The following AGPAT5 variants were observed in gnomAD, a reference collection of about 807,000 sequenced individuals.
AGPAT5 encodes 1-acyl-sn-glycerol-3-phosphate acyltransferase epsilon.
AGPAT5 carries 46 observed loss-of-function variants against 45.6 expected under a neutral mutation model. The ratio of observed to expected loss-of-function variants is 1.01; its 90% CI spans 0.80 to 1.29. The LOEUF (loss-of-function observed/expected upper bound fraction) is 1.29. Among genes scored for constraint, AGPAT5 ranks in the 50% most tolerant of loss-of-function variants. AGPAT5 has a pLI of 0.00. For synonymous variants in AGPAT5, 272 were observed against 167.0 expected (o/e 1.63, Z -4.85); for missense variants, 673 against 450.7 (o/e 1.49, Z -4.47).
At position 6,757,783 on chromosome 8, in the gene AGPAT5, C is replaced by G. The variant is rs1280205798; in HGVS notation, c.*395C>G. 1 of 160,568 alleles carries G rather than the reference C, an allele frequency of 6.2e-6. No homozygotes were observed. The highest frequency in any genetic ancestry group is 1.4e-5 in the Non-Finnish European group (1 of 73,310). 9.9% of individuals were successfully genotyped at this position (160,568 alleles called of 1,614,324 possible). On this transcript the variant is annotated 3_prime_UTR_variant, in exon 8 of 8. Coordinates refer to ENST00000285518, the MANE Select transcript of AGPAT5 (RefSeq NM_018361.5). ...TATTACAACTTGACAGCTCCAAGCT[C>G]TTATTACTAAAGTATTTAGTATCTT...
rs147749583 is a variant in AGPAT5 at position 6,712,215 on chromosome 8, T to A, written c.219+3328T>A. ...ACTTACTTTCCCATAATCTTTTAGTTTCTTATTTACAGATTTACCTTCACA... is the reference window on the plus strand; with the variant it reads ...ACTTACTTTCCCATAATCTTTTAGTATCTTATTTACAGATTTACCTTCACA... On this transcript the variant is annotated intron_variant, in intron 1 of 7. Transcript: ENST00000285518. Among the ~76,000 whole-genome samples the A allele has an allele frequency of 3.9e-3, 593 of 152,352 alleles. 7 individuals are homozygous for A. Among genetic ancestry groups the A allele is most frequent in the African/African-American group, 0.014 (564 of 41,586 alleles).
At chr8:6,749,194 C>T (rs1423108526) in intron 6 of AGPAT5, among the ~76,000 whole-genome samples, 1 of 152,104 alleles carries the variant, frequency 6.6e-6, no homozygotes, top group Non-Finnish European at 1.5e-5. Flanking sequence ...AGATGAGGGT[C>T]ACTCAGGTTT....
chr8:6,741,656 C>T lies in AGPAT5; in HGVS notation c.496-5C>T, dbSNP rs1359592018. On this transcript the variant is annotated splice_region_variant and splice_polypyrimidine_tract_variant and intron_variant, in intron 4 of 7. Coordinates refer to ENST00000285518, the MANE Select transcript of AGPAT5 (RefSeq NM_018361.5). ...AATAAACCAAATTTGCTCTATGTCCCACAGATGTATCTTGTGATTTTTCCA... is the reference window on the plus strand; with the variant it reads ...AATAAACCAAATTTGCTCTATGTCCTACAGATGTATCTTGTGATTTTTCCA... The T allele has an allele frequency of 6.3e-7, 1 of 1,592,146 alleles. No homozygotes were observed. Among genetic ancestry groups the T allele is most frequent in the African/African-American group, 1.4e-5 (1 of 73,904 alleles).
In AGPAT5 at chr8:6,720,670, A is replaced by T. The variant is rs143725975; in HGVS notation, c.220-4200A>T. 2.1e-3 allele frequency among the ~76,000 whole-genome samples: 323 copies of T among 152,312 alleles called. 2 individuals carry two copies. Among genetic ancestry groups the T allele is most frequent in the East Asian group, 4.4e-3 (23 of 5,188 alleles). ...TAACCAAGAGAAAAATTAGAGAGTC[A>T]TCAATCACGCAGATCCAGTACAGAG... On this transcript the variant is annotated intron_variant, in intron 1 of 7. Coordinates refer to ENST00000285518, the MANE Select transcript of AGPAT5 (RefSeq NM_018361.5).
At chr8:6,741,562 A>T (rs1801245922) in intron 4 of AGPAT5, 99 bp from the exon 5 acceptor site, 1 of 755,350 alleles carries the variant, frequency 1.3e-6, no homozygotes, top group African/African-American at 1.8e-5. Context: ...CTACTGTAGG[A>T]AATACTCTGT....
chr8:6,756,377 A>C (rs1301265545), intron 7 of AGPAT5, among the ~76,000 whole-genome samples: 2 of 152,186 alleles, frequency 1.3e-5, no homozygotes, highest in Non-Finnish European at 2.9e-5. Flanking sequence ...ATGTAATCCC[A>C]GCACTTTGGG....
chr8:6,719,665 A>C (rs1197875294), intron 1 of AGPAT5, among the ~76,000 whole-genome samples: 1 of 152,248 alleles, frequency 6.6e-6, no homozygotes, highest in Non-Finnish European at 1.5e-5. Context: ...GGTAGCCTCC[A>C]GCTTTACCAC....
chr8:6,713,370 A>C (rs1295192297), intron 1 of AGPAT5, among the ~76,000 whole-genome samples: 1 of 152,210 alleles, frequency 6.6e-6, no homozygotes, highest in Non-Finnish European at 1.5e-5. Flanking sequence ...TCTGACTGCT[A>C]ATTCCCCCTT....
chr8:6,728,640 T>A (rs1416738959), intron 2 of AGPAT5, among the ~76,000 whole-genome samples: 1 of 151,864 alleles, frequency 6.6e-6, no homozygotes, highest in African/African-American at 2.4e-5. Flanking sequence ...AATAAAAAAA[T>A]TATTGCAGGA....
At chr8:6,732,486 A>G (rs1230622334) in intron 3 of AGPAT5, 75 bp from the exon 4 acceptor site, 3 of 1,110,000 alleles carry the variant, frequency 2.7e-6, no homozygotes, top group Non-Finnish European at 3.8e-6. Context: ...TTGCAAGAGA[A>G]GTTGCCTTTT....
rs1319260717 is a variant in AGPAT5, at chr8:6,708,645, G to C, written c.-24G>C. 1.3e-6 allele frequency: 2 copies of C among 1,502,526 alleles called. No homozygotes were observed. The highest frequency in any genetic ancestry group is 1.8e-6 in the Non-Finnish European group (2 of 1,129,352). The allele number at this position is 1,502,526 out of a possible 1,614,324, so 93.1% of individuals were successfully genotyped here. On this transcript the variant is annotated 5_prime_UTR_variant, in exon 1 of 8. Coordinates refer to ENST00000285518, the MANE Select transcript of AGPAT5 (RefSeq NM_018361.5). ...GAGGCGGGCGGGGAGCGCAGGCGGA[G>C]CTCGCTGCCGCCGAGCTGAGAAGAT...
chr8:6,716,419 G>C (rs1363559515), intron 1 of AGPAT5, among the ~76,000 whole-genome samples: 4 of 152,038 alleles, frequency 2.6e-5, no homozygotes, highest in African/African-American at 9.7e-5. Flanking sequence ...ACACTTACTG[G>C]GCATGGTGGT....
chr8:6,735,686 GTT>G (rs1801026603), intron 4 of AGPAT5, among the ~76,000 whole-genome samples: 1 of 13,896 alleles, frequency 7.2e-5, no homozygotes, highest in Non-Finnish European at 1.1e-4. Flanking sequence ...GCTTGTCAGT[GTT>G]GTTGTTGTTG....
chr8:6,720,533 C>CCCAA (rs1043055384), intron 1 of AGPAT5, among the ~76,000 whole-genome samples: 15 of 152,016 alleles, frequency 9.9e-5, no homozygotes, highest in Admixed American at 4.6e-4. Context: ...GTTAAATGAC[C>CCCAA]CCAATATTGG....
At chr8:6,746,335 C>T (rs927017582) in intron 5 of AGPAT5, 1 of 152,218 alleles carries the variant, frequency 6.6e-6, no homozygotes, top group Non-Finnish European at 1.5e-5. Context: ...GGAGCAGAAG[C>T]CTAGTCACAA....
At chr8:6,731,910 T>C (rs1800877918) in intron 3 of AGPAT5, among the ~76,000 whole-genome samples, 1 of 152,224 alleles carries the variant, frequency 6.6e-6, no homozygotes, top group Non-Finnish European at 1.5e-5. Flanking sequence ...TTTTTCCCTG[T>C]GCCCAAGCAC....
rs1213808744 is a variant in AGPAT5 at position 6,708,769 on chromosome 8, T to C, written c.101T>C (p.Val34Ala). ...CCCACCTACGTGTTGGCCTGGGGGG[T>C]CTGGCGGCTGCTCTCCGCCTTCCTG... ...TAPTYVLAWG[V>A]WRLLSAFLPA... The change falls in exon 1 of 8, where the codon GTC (valine) becomes GCC (alanine). Residue 34 changes from valine to alanine, a missense_variant. Physicochemically the swap from Val to Ala is moderately conservative, Grantham distance 64. Coordinates refer to ENST00000285518, the MANE Select transcript of AGPAT5 (RefSeq NM_018361.5). 1 of 1,608,360 alleles carries C rather than the reference T, an allele frequency of 6.2e-7. No individual in the cohort carries two copies. The highest frequency in any genetic ancestry group is 8.5e-7 in the Non-Finnish European group (1 of 1,179,532).
chr8:6,714,692 C>G (rs982865583), intron 1 of AGPAT5, among the ~76,000 whole-genome samples: 5 of 152,168 alleles, frequency 3.3e-5, no homozygotes, highest in African/African-American at 4.8e-5. Context: ...CTTCCAAGAG[C>G]TTTTGAGTAA....
At chr8:6,734,046 C>A (rs908826445) in intron 4 of AGPAT5, among the ~76,000 whole-genome samples, 1 of 152,166 alleles carries the variant, frequency 6.6e-6, no homozygotes, top group Admixed American at 6.5e-5. Flanking sequence ...GTTTAAGTAT[C>A]ATATATCTGA....
Sources: allele counts gnomAD v4.1 joint callset (sites outside exome capture counted in the v4.1 genomes callset), GRCh38; gene constraint gnomAD v4.1.1; transcripts MANE v1.5; gene names NCBI Gene and HGNC (gene_info 2026-07-23, HGNC 2026-07-21).